NECTIN4: variants seen among roughly 807,000 people sequenced by gnomAD.
NECTIN4 encodes the protein nectin-4.
In NECTIN4, 19 loss-of-function variants were observed where a neutral mutation model predicts 51.7. The observed-to-expected ratio is 0.37, with a 90% CI of 0.26 to 0.54. The LOEUF (loss-of-function observed/expected upper bound fraction) is 0.54, where lower values mean the gene tolerates loss of function less well. NECTIN4 is among the 20% of genes least tolerant of loss of function. The pLI, the probability that NECTIN4 is intolerant of heterozygous loss-of-function variation, is 0.86. For missense variants in NECTIN4, 619 were observed against 662.4 expected (o/e 0.93, Z 0.72); for synonymous variants, 283 against 286.9 (o/e 0.99, Z 0.14).
In NECTIN4 at chr1:161,071,179, TAAG is replaced by T. The variant is rs1653128991; in HGVS notation, c.*1479_*1481del. 1 of 152,120 alleles carries T rather than the reference TAAG, an allele frequency of 6.6e-6. No homozygotes were observed. Among genetic ancestry groups the T allele is most frequent in the Admixed American group, 6.6e-5 (1 of 15,264 alleles). The allele number at this position is 152,120 out of a possible 1,614,324, so 9.4% of individuals were successfully genotyped here. A position where few individuals can be genotyped will look rare whatever the true frequency, so the allele number is the denominator to read the frequency against. ...GCCAGAAATCCAGCAGATTTCAGAC[TAAG>T]AAGAGTTTGGGTACTAAATCTAGGT... On this transcript the variant is annotated 3_prime_UTR_variant, in exon 9 of 9. Coordinates refer to ENST00000368012, the MANE Select transcript of NECTIN4 (RefSeq NM_030916.3).
intron 2 of NECTIN4, 112 bp downstream of exon 2, chr1:161,079,478 A>AC: frequency 1.4e-6 from 2 of 1,424,068 alleles, no homozygotes; most frequent in Non-Finnish European, 1.9e-6. Context: ...CCTGAACATG[A>AC]CCCCACTTTT....
chr1:161,084,623 C>T (rs993527292), intron 1 of NECTIN4: 6 of 152,238 alleles, frequency 3.9e-5, no homozygotes, highest in African/African-American at 1.4e-4. Context: ...CAGAACAAAA[C>T]AAATGTTCCC....
Position 161,074,598 on chromosome 1 carries a change from C to T in NECTIN4, c.1000+13G>A. On this transcript the variant is annotated intron_variant, in intron 5 of 8. Transcript: ENST00000368012. ...CCCAGGTCCTTACCAAGGACTTCTG[C>T]TCCAGTGCTTACCAAGAACATCCAC... 2 of 1,614,242 alleles carry T rather than the reference C, an allele frequency of 1.2e-6. No individual in the cohort carries two copies. The highest frequency in any genetic ancestry group is 1.7e-6 in the Non-Finnish European group (2 of 1,180,020).
chr1:161,082,317 G>A (rs753207596), intron 1 of NECTIN4, among the ~76,000 whole-genome samples: 12 of 151,974 alleles, frequency 7.9e-5, no homozygotes, highest in Non-Finnish European at 1.5e-4. Flanking sequence ...AACAAAGCAA[G>A]ACACCATCCC....
chr1:161,072,608 A>G lies in NECTIN4; in HGVS notation c.*53T>C. ...AAGGAGGCCCCCAAGATGAGCTAAA[A>G]TCTCCCATGTCAACAGAAGGAGCCA... On this transcript the variant is annotated 3_prime_UTR_variant, in exon 9 of 9. Transcript: ENST00000368012. The G allele has an allele frequency of 2.0e-6, 3 of 1,494,312 alleles. No individual in the cohort carries two copies. The highest frequency in any genetic ancestry group is 1.4e-5 in the African/African-American group (1 of 72,540). 92.6% of individuals were successfully genotyped at this position (1,494,312 alleles called of 1,614,324 possible). A position where few individuals can be genotyped will look rare whatever the true frequency, so the allele number is the denominator to read the frequency against.
chr1:161,074,932 C>T (rs1653347335), intron 4 of NECTIN4, among the ~76,000 whole-genome samples, 173 bp from the exon 5 acceptor site: 1 of 152,250 alleles, frequency 6.6e-6, no homozygotes, highest in Non-Finnish European at 1.5e-5. Flanking sequence ...TCCTTTCTCC[C>T]TGCTGCCCAG....
Position 161,077,593 on chromosome 1 carries a change from T to C in NECTIN4, c.590A>G (p.Lys197Arg), listed in dbSNP as rs753463404. Reference sequence around the variant, plus strand: ...GGTGACGGCAGCAGAGCGGGAGTGCTTGAAGGAACGGCTGGACGTTGTGCC... The same window carrying C: ...GGTGACGGCAGCAGAGCGGGAGTGCCTGAAGGAACGGCTGGACGTTGTGCC... ...VKGTTSSRSF[K>R]HSRSAAVTSE... The change falls in exon 3 of 9, where the codon AAG becomes AGG. Residue 197 changes from lysine (K) to arginine (R), a missense_variant. By Grantham distance (26) the Lys-to-Arg change is conservative. This residue lies in a region of NECTIN4 where 364 missense variants were observed against 415.7 expected (regional missense o/e 0.88). Transcript: ENST00000368012. 2.5e-6 allele frequency: 4 copies of C among 1,613,912 alleles called. No individual in the cohort carries two copies. In the Admixed American group the frequency reaches 6.7e-5, roughly 27 times the overall value.
chr1:161,079,693 C>T lies in NECTIN4; in HGVS notation c.336G>A (p.Val112=). 6.2e-7 allele frequency: 1 copy of T among 1,608,120 alleles called. No homozygotes were observed. ...PPPRNPLDGS[V]LLRNAVQADE... is the part of the protein sequence containing the mutation. ...CCGCCTGCACTGCGTTGCGCAGGAGCACTGAGCCGTCCAGGGGGTTGCGTG... is the reference window on the plus strand; with the variant it reads ...CCGCCTGCACTGCGTTGCGCAGGAGTACTGAGCCGTCCAGGGGGTTGCGTG... Residue 112 remains valine, a synonymous_variant, in exon 2 of 9, where the codon GTG becomes GTA. Coordinates refer to ENST00000368012, the MANE Select transcript of NECTIN4 (RefSeq NM_030916.3).
Position 161,072,472 on chromosome 1 carries a change from T to G in NECTIN4, c.*189A>C. The stretch of plus-strand genomic sequence containing the variant: ...GCACACACACAGTGACCTGCATGCA[T>G]GGTGGGAGAGACTCAATTGGTGGAG... On this transcript the variant is annotated 3_prime_UTR_variant, in exon 9 of 9. Transcript: ENST00000368012. The G allele has an allele frequency of 1.5e-6, 1 of 650,342 alleles. No homozygotes were observed. The highest frequency in any genetic ancestry group is 2.8e-6 in the Non-Finnish European group (1 of 357,704). The allele number at this position is 650,342 out of a possible 1,614,324, so 40.3% of individuals were successfully genotyped here.
intron 1 of NECTIN4, among the ~76,000 whole-genome samples, chr1:161,082,258 G>A (rs1426426486): frequency 1.3e-5 from 2 of 152,158 alleles, no homozygotes; most frequent in Admixed American, 6.5e-5. Context: ...AACCCAGGAG[G>A]TGGAGGTTGC....
At chr1:161,074,501 C>A in intron 5 of NECTIN4, 110 bp downstream of exon 5, 1 of 1,573,316 alleles carries the variant, frequency 6.4e-7, no homozygotes, top group Non-Finnish European at 8.7e-7. Context: ...CACAGCCCAG[C>A]CCCCTCTGAA....
At chr1:161,077,340 TATAG>T (rs755991019) in intron 3 of NECTIN4, 109 bp downstream of exon 3, 3 of 825,456 alleles carry the variant, frequency 3.6e-6, no homozygotes, top group African/African-American at 9.4e-5. Context: ...ACATACTATA[TATAG>T]CCTCCAGGAC....
intron 4 of NECTIN4, among the ~76,000 whole-genome samples, chr1:161,075,002 T>C (rs1264477359): frequency 6.6e-6 from 1 of 152,124 alleles, no homozygotes; most frequent in Admixed American, 6.6e-5. Context: ...CCATCCCACA[T>C]GCTTCCACAG....
chr1:161,075,238 A>G (rs1287945607), intron 4 of NECTIN4, among the ~76,000 whole-genome samples: 1 of 152,136 alleles, frequency 6.6e-6, no homozygotes, highest in Non-Finnish European at 1.5e-5. Context: ...GCTCACACAC[A>G]TGTGTACCCA....
rs1571142062 is a variant in NECTIN4, at chr1:161,072,672, G to A, written c.1522C>T (p.His508Tyr). 3 of 1,614,098 alleles carry A rather than the reference G, an allele frequency of 1.9e-6. No homozygotes were observed. Among genetic ancestry groups the A allele is most frequent in the Non-Finnish European group, 2.5e-6 (3 of 1,179,930 alleles). The stretch of plus-strand genomic sequence containing the variant: ...GAGGCAGGCCTGGGTCAGACCAGGT[G>A]TCCCCGCCCATTGATGTAGATGCCA... ...GNGIYINGRG[H>Y]LV Residue 508 changes from histidine (H) to tyrosine (Y), a missense_variant, in exon 9 of 9, where the codon CAC becomes TAC. By Grantham distance (83) the His-to-Tyr change is moderately conservative. This residue lies in a region of NECTIN4 where 364 missense variants were observed against 415.7 expected (regional missense o/e 0.88). Transcript: ENST00000368012.
At position 161,074,596 on chromosome 1, in the gene NECTIN4, T is replaced by C. The variant is rs1653327252; in HGVS notation, c.1000+15A>G. The C allele has an allele frequency of 1.2e-6, 2 of 1,614,234 alleles. No individual in the cohort carries two copies. The highest frequency in any genetic ancestry group is 4.5e-5 in the East Asian group (2 of 44,892). ...GGCCCAGGTCCTTACCAAGGACTTC[T>C]GCTCCAGTGCTTACCAAGAACATCC... On this transcript the variant is annotated intron_variant, in intron 5 of 8. Transcript: ENST00000368012.
At chr1:161,080,227 C>T (rs1354143253) in intron 1 of NECTIN4, among the ~76,000 whole-genome samples, 3 of 152,232 alleles carry the variant, frequency 2.0e-5, no homozygotes, top group African/African-American at 7.2e-5. Flanking sequence ...CACCCTCTTG[C>T]AGCCTAGGAT....
rs1654070813 is a variant in NECTIN4, at chr1:161,089,009, G to A, written c.79+209C>T. Among the ~76,000 whole-genome samples, 1 of 152,092 alleles carries A rather than the reference G, an allele frequency of 6.6e-6. No homozygotes were observed. The highest frequency in any genetic ancestry group is 6.5e-5 in the Admixed American group (1 of 15,270). On this transcript the variant is annotated intron_variant, in intron 1 of 8. Coordinates refer to ENST00000368012, the MANE Select transcript of NECTIN4 (RefSeq NM_030916.3). This position sits in a 1 kb window ranked among gnomAD's most constrained non-coding sequence, Gnocchi z 4.1. Reference sequence around the variant, plus strand: ...CCAGACATAGTGACCTGGCCTGGGGGCTGGGAGGAAACAAGAAGGGGGAGG... The same window carrying A: ...CCAGACATAGTGACCTGGCCTGGGGACTGGGAGGAAACAAGAAGGGGGAGG...
In NECTIN4 at chr1:161,077,469, G is replaced by C; in HGVS notation, c.714C>G (p.His238Gln). ...AGTACTTACAGGACACGTGGAGGAT[G>C]TGGGTGATCCTTTGGTCCTGGAGCA... ...PGLLQDQRITHILHVSFLAEA... is the reference protein window; with the variant it reads ...PGLLQDQRITQILHVSFLAEA... Residue 238 changes from histidine (H) to glutamine (Q), a missense_variant, in exon 3 of 9, where the codon CAC (histidine) becomes CAG (glutamine). Transcript: ENST00000368012. 1 of 1,614,170 alleles carries C rather than the reference G, an allele frequency of 6.2e-7. No individual in the cohort carries two copies. Among genetic ancestry groups the C allele is most frequent in the South Asian group, 1.1e-5 (1 of 91,090 alleles).
Sources: gnomAD v4.1 joint callset for allele counts (sites outside exome capture counted in the v4.1 genomes callset) on GRCh38, gnomAD v4.1.1 for gene constraint, gnomAD v4.1.1 regional missense constraint, Gnocchi (gnomAD v3.1) non-coding constraint, MANE v1.5 for transcripts, NCBI Gene and HGNC (gene_info 2026-07-23, HGNC 2026-07-21) for gene names.